The following NAV3 variants were observed in gnomAD, a reference collection of about 807,000 sequenced individuals.
NAV3 encodes the protein pore membrane and/or filament interacting like protein 1.
In NAV3, 87 loss-of-function variants were observed where a neutral mutation model predicts 244.7. The observed-to-expected ratio is 0.36, with a 90% CI of 0.30 to 0.42. The LOEUF (loss-of-function observed/expected upper bound fraction) is 0.42. Ranked by LOEUF, NAV3 falls within the 20% of genes least tolerant of loss-of-function variation. NAV3 has a pLI of 1.00. For synonymous variants in NAV3, 1,126 were observed against 1,042.2 expected (o/e 1.08, Z -1.55); for missense variants, 2,663 against 2,893.3 (o/e 0.92, Z 1.83).
chr12:77,894,256 A>T (rs1318753073), intron 1 of NAV3, among the ~76,000 whole-genome samples: 1 of 152,166 alleles, frequency 6.6e-6, no homozygotes, highest in Non-Finnish European at 1.5e-5. Context: ...CATAACCTAG[A>T]GAGATTTCTA....
intron 1 of NAV3, among the ~76,000 whole-genome samples, chr12:77,842,558 G>A (rs181802069): frequency 2.7e-5 from 4 of 150,456 alleles, no homozygotes; most frequent in East Asian, 1.9e-4. Flanking sequence ...AGGCATTGGC[G>A]GGATACTAGA....
intron 2 of NAV3, among the ~76,000 whole-genome samples, chr12:77,802,207 T>G (rs1398817163): frequency 1.3e-5 from 2 of 152,222 alleles, no homozygotes; most frequent in African/African-American, 4.8e-5. Flanking sequence ...CTGTTTATAT[T>G]TTGGTATATA....
chr12:77,598,392 TAACTC>T (rs1870266662), intron 2 of NAV3, among the ~76,000 whole-genome samples: 1 of 152,050 alleles, frequency 6.6e-6, no homozygotes, highest in African/African-American at 2.4e-5. Flanking sequence ...ACAATCTTAA[TAACTC>T]AACAGTTGCT....
At chr12:77,745,226 T>G (rs1406133959) in intron 2 of NAV3, among the ~76,000 whole-genome samples, 1 of 152,088 alleles carries the variant, frequency 6.6e-6, no homozygotes, top group Non-Finnish European at 1.5e-5. Context: ...TTGTTAATGG[T>G]AAGTATTGTA....
intron 3 of NAV3, among the ~76,000 whole-genome samples, chr12:77,963,718 T>C (rs770953214): frequency 5.8e-4 from 88 of 152,306 alleles, no homozygotes; most frequent in Non-Finnish European, 1.2e-3. Context: ...TTGCTGGTCC[T>C]CATAATGAAT....
At chr12:78,128,980 G>A (rs768139143) in intron 18 of NAV3, 114 bp downstream of exon 18, 1 of 956,562 alleles carries the variant, frequency 1.0e-6, no homozygotes, top group Non-Finnish European at 1.5e-6. Context: ...AGGGATAAAA[G>A]CACTTTAACA....
intron 3 of NAV3, among the ~76,000 whole-genome samples, chr12:77,954,601 C>A (rs964184812): frequency 1.3e-5 from 2 of 152,174 alleles, no homozygotes; most frequent in Non-Finnish European, 2.9e-5. Flanking sequence ...GCTTATGACT[C>A]TGTGTAAACT....
chr12:77,612,998 C>A (rs1870986616), intron 2 of NAV3, among the ~76,000 whole-genome samples: 1 of 152,116 alleles, frequency 6.6e-6, no homozygotes, highest in Admixed American at 6.6e-5. Context: ...TTTACTTCCC[C>A]TTCCGCCGTG....
At chr12:78,069,893 T>C (rs146584515) in intron 12 of NAV3, among the ~76,000 whole-genome samples, 1 of 152,224 alleles carries the variant, frequency 6.6e-6, no homozygotes, top group African/African-American at 2.4e-5. Context: ...TTTAGATTTT[T>C]AATTTCAAGT....
intron 9 of NAV3, among the ~76,000 whole-genome samples, chr12:78,024,240 C>T (rs1437190831): frequency 6.6e-6 from 1 of 152,128 alleles, no homozygotes; most frequent in Non-Finnish European, 1.5e-5. Context: ...CTTAATTGTA[C>T]TCATTTGATG....
In NAV3 at chr12:78,210,662, T is replaced by G. The variant is rs2140142088; in HGVS notation, c.*145T>G. On this transcript the variant is annotated 3_prime_UTR_variant, in exon 40 of 40. Coordinates refer to ENST00000397909, the MANE Select transcript of NAV3 (RefSeq NM_001024383.2). ...GTGGTCTCCAAGGAGGCAGCAGAACTAAGTCTGAACCGCCAAGATGCTAAA... is the reference window on the plus strand; with the variant it reads ...GTGGTCTCCAAGGAGGCAGCAGAACGAAGTCTGAACCGCCAAGATGCTAAA... 1.1e-6 allele frequency: 1 copy of G among 923,666 alleles called. No homozygotes were observed. The highest frequency in any genetic ancestry group is 2.9e-5 in the Admixed American group (1 of 33,980). The allele number at this position is 923,666 out of a possible 1,614,324, so 57.2% of individuals were successfully genotyped here. A position where few individuals can be genotyped will look rare whatever the true frequency, so the allele number is the denominator to read the frequency against.
chr12:77,902,795 T>A (rs2136940331), intron 1 of NAV3, among the ~76,000 whole-genome samples: 1 of 152,276 alleles, frequency 6.6e-6, no homozygotes, highest in East Asian at 1.9e-4. Flanking sequence ...TTCAGCAAAA[T>A]CTCAGGATAC....
intron 12 of NAV3, among the ~76,000 whole-genome samples, chr12:78,112,900 C>T (rs891710444): frequency 2.6e-5 from 4 of 152,100 alleles, no homozygotes; most frequent in African/African-American, 7.2e-5. Flanking sequence ...CCTGTAAATT[C>T]GAAAGCAAGT....
rs1293085488 is a variant in NAV3, at chr12:77,702,818, A to G, written c.72+130552A>G. ...AGTCTTTCAAATAAGTTAATAGAAG[A>G]AAAATAGATAGTATTTTGTATTTGC... On this transcript the variant is annotated intron_variant, in intron 2 of 8. Coordinates refer to the NAV3 transcript ENST00000550042. Among the ~76,000 whole-genome samples the G allele has an allele frequency of 3.0e-5, 3 of 101,078 alleles. No individual in the cohort carries two copies. The East Asian group carries it at 1.0e-3, about 35-fold the overall frequency. The allele number at this position is 101,078 out of a possible 152,430, so 66.3% of individuals were successfully genotyped here. A position where few individuals can be genotyped will look rare whatever the true frequency, so the allele number is the denominator to read the frequency against.
At chr12:77,896,071 A>G (rs533751981) in intron 1 of NAV3, among the ~76,000 whole-genome samples, 1 of 152,148 alleles carries the variant, frequency 6.6e-6, no homozygotes, top group Non-Finnish European at 1.5e-5. Context: ...ATTAAACAAT[A>G]TAGTAAGGAT....
chr12:77,711,292 T>C (rs1378615214), intron 2 of NAV3, among the ~76,000 whole-genome samples: 1 of 152,188 alleles, frequency 6.6e-6, no homozygotes, highest in African/African-American at 2.4e-5. Context: ...CATTTGTGGA[T>C]TGAAGTGGAG....
chr12:78,104,795 A>G (rs1253032835), intron 12 of NAV3, among the ~76,000 whole-genome samples: 2 of 152,150 alleles, frequency 1.3e-5, no homozygotes, highest in African/African-American at 4.8e-5. Context: ...AAATCTCTAT[A>G]GCATTTTTCC....
At chr12:78,031,618 A>G (rs556100876) in intron 9 of NAV3, among the ~76,000 whole-genome samples, 2 of 151,650 alleles carry the variant, frequency 1.3e-5, no homozygotes, top group South Asian at 2.1e-4. Flanking sequence ...CATCATTCTC[A>G]GTAAACTATT....
At chr12:77,611,210 G>C (rs1870898503) in intron 2 of NAV3, among the ~76,000 whole-genome samples, 1 of 151,896 alleles carries the variant, frequency 6.6e-6, no homozygotes, top group South Asian at 2.1e-4. Flanking sequence ...GTGCTTCCTA[G>C]CAAAATCTCC....
Sources: gnomAD v4.1 joint callset for allele counts (sites outside exome capture counted in the v4.1 genomes callset) on GRCh38, gnomAD v4.1.1 for gene constraint, MANE v1.5 for transcripts, NCBI Gene and HGNC (gene_info 2026-07-23, HGNC 2026-07-21) for gene names.